ADGRD1: variants seen among roughly 807,000 people sequenced by gnomAD.
The protein encoded by ADGRD1 is G-protein coupled receptor 133.
ADGRD1 carries 77 observed loss-of-function variants against 113.4 expected under a neutral mutation model. The ratio of observed to expected loss-of-function variants is 0.68; its 90% CI spans 0.57 to 0.82. The LOEUF (loss-of-function observed/expected upper bound fraction) is 0.82. ADGRD1 is among the 40% of genes least tolerant of loss of function. The pLI is 0.00. For synonymous variants in ADGRD1, 474 were observed against 475.0 expected, an observed-to-expected ratio of 1.00 and a Z score of 0.03; for missense variants, 1,036 against 1,139.1, an observed-to-expected ratio of 0.91 and a Z score of 1.30.
At chr12:131,085,014 G>T (rs553254074) in intron 15 of ADGRD1, among the ~76,000 whole-genome samples, 2 of 152,354 alleles carry the variant, frequency 1.3e-5, no homozygotes, top group East Asian at 3.9e-4. Context: ...GGAGCCGGGC[G>T]CTGGGGGCTC....
chr12:131,046,695 G>C (rs1486672694), intron 13 of ADGRD1, among the ~76,000 whole-genome samples: 1 of 141,280 alleles, frequency 7.1e-6, no homozygotes, highest in Non-Finnish European at 1.5e-5. Context: ...TCCCTGGGCA[G>C]TGTCCTCCCT....
intron 13 of ADGRD1, among the ~76,000 whole-genome samples, chr12:131,059,204 C>G (rs1351981023): frequency 6.6e-6 from 1 of 152,148 alleles, no homozygotes; most frequent in Non-Finnish European, 1.5e-5. Flanking sequence ...GAGACAGAGT[C>G]TCACTCCGTC....
intron 5 of ADGRD1, among the ~76,000 whole-genome samples, chr12:130,983,294 G>A (rs1356660767): frequency 6.6e-6 from 1 of 152,142 alleles, no homozygotes; most frequent in African/African-American, 2.4e-5. Context: ...GCTCGGACCA[G>A]CTTGTACCTC....
chr12:131,054,750 T>C (rs1440333725), intron 13 of ADGRD1, among the ~76,000 whole-genome samples: 2 of 152,224 alleles, frequency 1.3e-5, no homozygotes, highest in Non-Finnish European at 2.9e-5. Context: ...CCAGGGTCTC[T>C]GCCGGGTCTT....
intron 12 of ADGRD1, among the ~76,000 whole-genome samples, chr12:131,012,502 A>G (rs1024796261): frequency 2.6e-5 from 4 of 152,102 alleles, no homozygotes; most frequent in African/African-American, 9.7e-5. Flanking sequence ...TTCATTCTCT[A>G]TGGCGCCATC....
chr12:131,031,424 G>T (rs1183396306), intron 13 of ADGRD1, among the ~76,000 whole-genome samples: 1 of 152,162 alleles, frequency 6.6e-6, no homozygotes, highest in Non-Finnish European at 1.5e-5. Flanking sequence ...CTGACCTGTT[G>T]CTGGGATGAC....
chr12:131,081,352 A>C (rs915274291), intron 14 of ADGRD1, among the ~76,000 whole-genome samples: 6 of 152,098 alleles, frequency 3.9e-5, no homozygotes, highest in African/African-American at 1.4e-4. Flanking sequence ...TATCTTTTTA[A>C]AATGTTGTCT....
At chr12:131,010,098 G>A (rs940140260) in intron 12 of ADGRD1, among the ~76,000 whole-genome samples, 5 of 152,182 alleles carry the variant, frequency 3.3e-5, no homozygotes, top group African/African-American at 9.7e-5. Flanking sequence ...TGTTACCCTC[G>A]ATGCTGTCTC....
At chr12:130,987,604 T>C (rs1873857956) in intron 6 of ADGRD1, 3 of 540,688 alleles carry the variant, frequency 5.5e-6, no homozygotes, top group Non-Finnish European at 1.0e-5. Flanking sequence ...GTATATGTGA[T>C]GGACGATTAT....
chr12:131,114,713 T>G (rs966202340), intron 18 of ADGRD1, among the ~76,000 whole-genome samples: 15 of 150,140 alleles, frequency 1.0e-4, no homozygotes, highest in African/African-American at 3.6e-4. Flanking sequence ...GCAATATTAT[T>G]TTTTGGAAAC....
At chr12:131,105,319 C>T (rs1320700553) in intron 16 of ADGRD1, among the ~76,000 whole-genome samples, 1 of 152,210 alleles carries the variant, frequency 6.6e-6, no homozygotes, top group Non-Finnish European at 1.5e-5. Context: ...GATCACGCCA[C>T]GAGGCAGCAG....
At chr12:130,988,420 CG>C (rs1191526142) in intron 6 of ADGRD1, 3 of 152,226 alleles carry the variant, frequency 2.0e-5, no homozygotes, top group Non-Finnish European at 4.4e-5. Context: ...CCCAGCACAG[CG>C]GATGTCAGGA....
In ADGRD1 at chr12:131,136,112, C is replaced by A. The variant is rs897202909; in HGVS notation, c.2343C>A (p.Asn781Lys). 2.0e-5 allele frequency: 32 copies of A among 1,614,068 alleles called. No individual in the cohort carries two copies. Among genetic ancestry groups the A allele is most frequent in the Non-Finnish European group, 2.7e-5 (32 of 1,180,032 alleles). The change falls in exon 22 of 25, where the codon AAC becomes AAA. Residue 781 changes from asparagine (N) to lysine (K), a missense_variant. Coordinates refer to ENST00000261654, the MANE Select transcript of ADGRD1 (RefSeq NM_198827.5). ...GGGTCTTTGGCGTGCTTGCTGTCAA[C>A]GGTTGTGCTGTGGTTTTCCAGTACA... Reference protein sequence around the residue: ...TSWVFGVLAVNGCAVVFQYMF... With the variant: ...TSWVFGVLAVKGCAVVFQYMF...
chr12:131,031,962 G>A (rs1040902670), intron 13 of ADGRD1, among the ~76,000 whole-genome samples: 21 of 152,184 alleles, frequency 1.4e-4, no homozygotes, highest in Non-Finnish European at 2.5e-4. Context: ...CGGAAGGGAG[G>A]CCTTCAGATG....
At chr12:131,029,412 G>A (rs764714581) in intron 13 of ADGRD1, among the ~76,000 whole-genome samples, 2 of 152,204 alleles carry the variant, frequency 1.3e-5, no homozygotes, top group Non-Finnish European at 2.9e-5. Flanking sequence ...ACCTCCAGAC[G>A]TTTAATTTAC....
intron 2 of ADGRD1, among the ~76,000 whole-genome samples, chr12:130,955,782 A>ATT (rs149954851): frequency 8.6e-5 from 13 of 151,546 alleles, no homozygotes; most frequent in South Asian, 4.2e-4. Context: ...TAAAAAAATT[A>ATT]TTTTTGTTTT....
chr12:131,117,745 T>C (rs1158990348), intron 18 of ADGRD1, among the ~76,000 whole-genome samples: 7 of 152,202 alleles, frequency 4.6e-5, no homozygotes, highest in African/African-American at 1.4e-4. Flanking sequence ...CCTAAGGAAA[T>C]TATGGGCTCA....
chr12:131,100,846 T>C (rs188345452), intron 15 of ADGRD1, among the ~76,000 whole-genome samples: 1 of 152,304 alleles, frequency 6.6e-6, no homozygotes, highest in East Asian at 1.9e-4. Flanking sequence ...CATTTGCAAA[T>C]AGATGAGCTA....
chr12:131,005,776 A>G (rs898240863), intron 11 of ADGRD1, among the ~76,000 whole-genome samples, 196 bp from the exon 12 acceptor site: 1 of 150,584 alleles, frequency 6.6e-6, no homozygotes, highest in Non-Finnish European at 1.5e-5. Flanking sequence ...TGGAGCAGGG[A>G]TCCACCGTCA....
Sources: gnomAD v4.1 joint callset for allele counts (sites outside exome capture counted in the v4.1 genomes callset) on GRCh38, gnomAD v4.1.1 for gene constraint, MANE v1.5 for transcripts, NCBI Gene and HGNC (gene_info 2026-07-23, HGNC 2026-07-21) for gene names.